The following PLXND1 variants were observed in gnomAD, a reference collection of about 807,000 sequenced individuals.
The protein encoded by PLXND1 is plexin D1, also known as plexin-D1.
In PLXND1, 54 loss-of-function variants were observed where a neutral mutation model predicts 197.7. The observed-to-expected ratio is 0.27, with a 90% confidence interval of 0.22 to 0.34. PLXND1 has a LOEUF of 0.34. Ranked by LOEUF, PLXND1 falls within the 10% of genes least tolerant of loss-of-function variation. The probability of loss-of-function intolerance (pLI) is 1.00; values close to 1 mark genes in which losing one functional copy is unlikely to be tolerated. For synonymous variants in PLXND1, 1,180 were observed against 1,161.2 expected (o/e 1.02, Z -0.33); for missense variants, 2,127 against 2,699.2 (o/e 0.79, Z 4.70).
chr3:129,562,837 C>A lies in PLXND1; in HGVS notation c.4775G>T (p.Cys1592Phe), dbSNP rs1347534380. The A allele has an allele frequency of 6.2e-7, 1 of 1,611,626 alleles. No individual in the cohort carries two copies. Among genetic ancestry groups the A allele is most frequent in the Non-Finnish European group, 8.5e-7 (1 of 1,177,960 alleles). ...QVKEKILEAFCKNVPYSQWPR... is the reference protein window; with the variant it reads ...QVKEKILEAFFKNVPYSQWPR... ...CCACTGGGAGTAGGGCACATTCTTG[C>A]AGAAGGCCTCCAGGATCTTCTCCTT... The change falls in exon 27 of 36, where the codon TGC (cysteine) becomes TTC (phenylalanine). Residue 1592 changes from cysteine to phenylalanine, a missense_variant. This residue lies in a region of PLXND1 where 532 missense variants were observed against 811.0 expected (regional missense o/e 0.66). Transcript: ENST00000324093.
chr3:129,571,478 C>G lies in PLXND1; in HGVS notation c.3336+31G>C, dbSNP rs781720952. 20 of 1,600,012 alleles carry G rather than the reference C, an allele frequency of 1.2e-5. No individual in the cohort carries two copies. The Middle Eastern group carries it at 2.8e-3, about 225-fold the overall frequency. On this transcript the variant is annotated intron_variant, in intron 17 of 35. Transcript: ENST00000324093. ...GCCCTGGCTGTGCCTGGGCCACCCC[C>G]TCCCACCCATCAGGCCCCCGAATGC...
intron 12 of PLXND1, 41 bp from the exon 13 acceptor site, chr3:129,573,786 C>T (rs372326719): frequency 1.9e-6 from 3 of 1,598,892 alleles, no homozygotes; most frequent in Non-Finnish European, 2.6e-6. Context: ...GGATCTGAGG[C>T]TGCAGGCCAG....
intron 27 of PLXND1, chr3:129,562,439 G>A (rs1035194705): frequency 1.6e-5 from 4 of 246,248 alleles, no homozygotes; most frequent in Non-Finnish European, 3.2e-5. Context: ...GAGCCCAGGA[G>A]GTCGAGGCTG....
At chr3:129,563,765 C>A (rs1405682802) in intron 25 of PLXND1, among the ~76,000 whole-genome samples, 1 of 152,252 alleles carries the variant, frequency 6.6e-6, no homozygotes, top group East Asian at 1.9e-4. Context: ...GCCCTCCAGG[C>A]AGTGGCTCTG....
At chr3:129,561,186 T>C (rs1046790918) in intron 29 of PLXND1, 1 of 460,668 alleles carries the variant, frequency 2.2e-6, no homozygotes, top group African/African-American at 2.0e-5. Flanking sequence ...CAGCCCAGAT[T>C]CCCAGGCTGC....
chr3:129,579,945 T>C (rs982668328), intron 8 of PLXND1, among the ~76,000 whole-genome samples: 1 of 152,134 alleles, frequency 6.6e-6, no homozygotes, highest in Non-Finnish European at 1.5e-5. Flanking sequence ...ATGACGATAA[T>C]GCTAATAACA....
Position 129,589,900 on chromosome 3 carries a change from G to A in PLXND1, c.1312-373C>T, listed in dbSNP as rs150591280. Among the ~76,000 whole-genome samples, 7 of 152,290 alleles carry A rather than the reference G, an allele frequency of 4.6e-5. No homozygotes were observed. In the East Asian group the frequency reaches 1.4e-3, roughly 29 times the overall value. ...GGGCACAGCTGGGAAGAGCAGAGGA[G>A]TCCACACCAGATGACCGGAGGCCAC... is the stretch of plus-strand genomic sequence containing the variant. On this transcript the variant is annotated intron_variant, in intron 1 of 35. Transcript: ENST00000324093.
chr3:129,586,114 C>G lies in PLXND1; in HGVS notation c.1722-33G>C, dbSNP rs535893109. On this transcript the variant is annotated intron_variant, in intron 4 of 35. Transcript: ENST00000324093. ...GGCACCGCAGGGTCAGGACCCAGGT[C>G]AGCTCCTCCCACCCCCACAGCCCTC... The G allele has an allele frequency of 3.0e-5, 49 of 1,612,898 alleles. 1 individual carries two copies. The East Asian group carries it at 8.5e-4, about 28-fold the overall frequency.
At chr3:129,587,207 G>A (rs1463057401) in intron 2 of PLXND1, among the ~76,000 whole-genome samples, 2 of 152,212 alleles carry the variant, frequency 1.3e-5, no homozygotes, top group Non-Finnish European at 2.9e-5. Flanking sequence ...TAGGCTGCAC[G>A]TCTCATTCCT....
chr3:129,594,558 C>A (rs2085593129), intron 1 of PLXND1, among the ~76,000 whole-genome samples: 2 of 152,206 alleles, frequency 1.3e-5, no homozygotes, highest in Non-Finnish European at 2.9e-5. Context: ...TCTGGACCCC[C>A]CAGCTCCTCC....
intron 2 of PLXND1, 44 bp downstream of exon 2, chr3:129,589,307 G>GCCGGGGGCCCCCCC: frequency 1.5e-6 from 1 of 684,692 alleles, no homozygotes; most frequent in South Asian, 1.5e-5. Flanking sequence ...TCCCAGGGGA[G>GCCGGGGGCCCCCCC]CCTCCCACCC....
At position 129,586,012 on chromosome 3, in the gene PLXND1, G is replaced by A. The variant is rs1358678019; in HGVS notation, c.1791C>T (p.Pro597=). ...QHFWTSASEG[P]SRCPAMTVLP... ...GGACGGTCATGGCAGGACAGCGGCT[G>A]GGGCCCTCGCTGGCACTGGTCCAGA... is the stretch of plus-strand genomic sequence containing the variant. Residue 597 remains proline (P), a synonymous_variant, in exon 5 of 36, where the codon CCC becomes CCT. Transcript: ENST00000324093. 2 of 1,613,998 alleles carry A rather than the reference G, an allele frequency of 1.2e-6. No individual in the cohort carries two copies. Among genetic ancestry groups the A allele is most frequent in the South Asian group, 1.1e-5 (1 of 91,080 alleles).
rs1387375694 is a variant in PLXND1 at position 129,577,912 on chromosome 3, T to C, written c.2346+417A>G. Among the ~76,000 whole-genome samples the C allele has an allele frequency of 6.6e-6, 1 of 152,204 alleles. No homozygotes were observed. The highest frequency in any genetic ancestry group is 1.5e-5 in the Non-Finnish European group (1 of 68,026). On this transcript the variant is annotated intron_variant, in intron 9 of 35. Transcript: ENST00000324093. This position sits in a 1 kb window ranked among gnomAD's most constrained non-coding sequence, Gnocchi z 5.0. ...TGGCCAAGGGGTTCTCTGGTCATTC[T>C]GCAGGGAAGACATGGAAGCCACCCA...
chr3:129,561,009 G>A (rs1387476429), intron 29 of PLXND1: 7 of 563,932 alleles, frequency 1.2e-5, no homozygotes, highest in Non-Finnish European at 2.3e-5. Context: ...GAGACAGAGT[G>A]AGGCAGAGAG....
chr3:129,593,095 C>T (rs573640290), intron 1 of PLXND1, among the ~76,000 whole-genome samples: 12 of 152,330 alleles, frequency 7.9e-5, no homozygotes, highest in African/African-American at 1.4e-4. Flanking sequence ...ATCCCCGCAG[C>T]GCCCTCCAAG....
intron 2 of PLXND1, 88 bp from the exon 3 acceptor site, chr3:129,586,807 C>A: frequency 6.9e-7 from 1 of 1,456,666 alleles, no homozygotes; most frequent in Non-Finnish European, 9.3e-7. Context: ...TCTGGGGGCT[C>A]TGCCTCCCCA....
At position 129,567,401 on chromosome 3, in the gene PLXND1, A is replaced by G. The variant is rs1234693608; in HGVS notation, c.4086+91T>C. On this transcript the variant is annotated intron_variant, in intron 22 of 35. Coordinates refer to ENST00000324093, the MANE Select transcript of PLXND1 (RefSeq NM_015103.3). ...CAGCTGTGCAGGTTTGGCACTGCTC[A>G]AGGGACCCTATAGGCTGGCAGGGCT... The G allele has an allele frequency of 1.4e-5, 11 of 767,048 alleles. No homozygotes were observed. The Admixed American group carries it at 2.3e-4, about 16-fold the overall frequency. 47.5% of individuals were successfully genotyped at this position (767,048 alleles called of 1,614,324 possible).
In PLXND1 at chr3:129,589,386, C is replaced by G. The variant is rs141992927; in HGVS notation, c.1453G>C (p.Val485Leu). ...CTCCCGTTGACCGTGCCCAGGAAGA[C>G]CGCTGTGTAGTTGTTGACGCTGGCC... Reference protein sequence around the residue: ...AVASVNNYTAVFLGTVNGRLL... With the variant: ...AVASVNNYTALFLGTVNGRLL... The change falls in exon 2 of 36, where the codon GTC becomes CTC. Residue 485 changes from valine to leucine, a missense_variant. Val to Leu is a conservative substitution (Grantham distance 32, BLOSUM62 1). Transcript: ENST00000324093. The G allele has an allele frequency of 1.4e-4, 225 of 1,585,592 alleles. 1 individual carries two copies. Among genetic ancestry groups the G allele is most frequent in the Non-Finnish European group, 1.8e-4 (208 of 1,163,346 alleles).
rs2084993965 is a variant in PLXND1 at position 129,557,673 on chromosome 3, G to T, written c.5446-450C>A. On this transcript the variant is annotated intron_variant, in intron 33 of 35. Coordinates refer to ENST00000324093, the MANE Select transcript of PLXND1 (RefSeq NM_015103.3). This position sits in a 1 kb window ranked among gnomAD's most constrained non-coding sequence, Gnocchi z 4.8. ...GAAAGAAGTGCCAAGAACACTCCCA[G>T]TTCTTTGTCAGTCACGGGCACCCTG... is the stretch of plus-strand genomic sequence containing the variant. 6.6e-6 allele frequency among the ~76,000 whole-genome samples: 1 copy of T among 152,214 alleles called. No individual in the cohort carries two copies. Among genetic ancestry groups the T allele is most frequent in the African/African-American group, 2.4e-5 (1 of 41,456 alleles).
Sources: allele counts gnomAD v4.1 joint callset (sites outside exome capture counted in the v4.1 genomes callset), GRCh38; gene constraint gnomAD v4.1.1; regional missense constraint gnomAD v4.1.1; non-coding constraint Gnocchi (gnomAD v3.1); transcripts MANE v1.5; gene names NCBI Gene and HGNC (gene_info 2026-07-23, HGNC 2026-07-21).